Variants in NRCAM observed in about 807,000 individuals in gnomAD.
The protein encoded by NRCAM is neuronal cell adhesion molecule, also known as NgCAM-related cell adhesion molecule.
Under a neutral mutation model 156.5 loss-of-function variants are expected in NRCAM, and 83 were observed. The ratio of observed to expected loss-of-function variants is 0.53; its 90% CI spans 0.44 to 0.64. The LOEUF is 0.64. Among genes scored for constraint, NRCAM ranks in the 30% least tolerant of loss-of-function variants. The pLI, the probability that NRCAM is intolerant of heterozygous loss-of-function variation, is 0.00. For synonymous variants in NRCAM, 538 were observed against 563.9 expected, an observed-to-expected ratio of 0.95 and a Z score of 0.65; for missense variants, 1,417 against 1,597.3, an observed-to-expected ratio of 0.89 and a Z score of 1.92.
At chr7:108,325,448 T>C (rs1423407113) in intron 2 of NRCAM, among the ~76,000 whole-genome samples, 1 of 151,966 alleles carries the variant, frequency 6.6e-6, no homozygotes, top group Non-Finnish European at 1.5e-5. Context: ...TTTTTTTTTT[T>C]CCTGGATCTT....
At chr7:108,194,565 G>GTA (rs2073886590) in intron 15 of NRCAM, 137 bp from the exon 16 acceptor site, 2 of 588,780 alleles carry the variant, frequency 3.4e-6, no homozygotes, top group Non-Finnish European at 5.7e-6. Context: ...ACTTTTGAAA[G>GTA]TATCAATAGG....
rs776703681 is a variant in NRCAM at position 108,240,011 on chromosome 7, G to C, written c.54C>G (p.Pro18=). 6.2e-7 allele frequency: 1 copy of C among 1,613,346 alleles called. No individual in the cohort carries two copies. ...TCATCTGGCACAGGAAGAGAATCAG[G>C]GGCACTCTGCCCGCAGATAAGCGCT... is the stretch of plus-strand genomic sequence containing the variant. ...KKKRLSAGRV[P]LILFLCQMIS... is the part of the protein sequence containing the mutation. Residue 18 remains proline, a synonymous_variant, in exon 4 of 33, where the codon CCC becomes CCG. Coordinates refer to ENST00000379028, the MANE Select transcript of NRCAM (RefSeq NM_001037132.4).
chr7:108,350,280 A>G (rs747992700), intron 2 of NRCAM, among the ~76,000 whole-genome samples: 1 of 152,220 alleles, frequency 6.6e-6, no homozygotes, highest in Non-Finnish European at 1.5e-5. Flanking sequence ...GGTGATAGAC[A>G]TTATCAGTGT....
At chr7:108,402,223 C>T (rs2099794730) in intron 1 of NRCAM, among the ~76,000 whole-genome samples, 1 of 152,202 alleles carries the variant, frequency 6.6e-6, no homozygotes, top group South Asian at 2.1e-4. Context: ...CTTCAATCCT[C>T]TTAAGAGAAG....
chr7:108,294,263 C>T (rs1024128396), intron 3 of NRCAM, among the ~76,000 whole-genome samples: 11 of 127,932 alleles, frequency 8.6e-5, no homozygotes, highest in Non-Finnish European at 1.6e-5. Context: ...CACAGTCAAA[C>T]TCAAGTGTCA....
At chr7:108,250,407 C>A (rs1376731429) in intron 3 of NRCAM, among the ~76,000 whole-genome samples, 2 of 109,188 alleles carry the variant, frequency 1.8e-5, no homozygotes, top group African/African-American at 3.6e-5. Context: ...GTCTGGGCAA[C>A]AGAGCCACAT....
chr7:108,168,556 C>T (rs1406558764), intron 28 of NRCAM, among the ~76,000 whole-genome samples, 154 bp from the exon 29 acceptor site: 1 of 152,170 alleles, frequency 6.6e-6, no homozygotes, highest in Non-Finnish European at 1.5e-5. Context: ...GCTTTCATTA[C>T]AGAAAGGTTT....
At chr7:108,273,678 C>G (rs1563056581) in intron 3 of NRCAM, among the ~76,000 whole-genome samples, 1 of 152,034 alleles carries the variant, frequency 6.6e-6, no homozygotes, top group Non-Finnish European at 1.5e-5. Context: ...AAAATTTTCT[C>G]CCGTTCTGTA....
At chr7:108,313,949 T>C (rs1431603695) in intron 2 of NRCAM, among the ~76,000 whole-genome samples, 6 of 152,106 alleles carry the variant, frequency 3.9e-5, no homozygotes, top group Non-Finnish European at 5.9e-5. Context: ...AAAAATAAAA[T>C]ATAAATACTT....
chr7:108,330,686 G>C (rs73726152), intron 2 of NRCAM, among the ~76,000 whole-genome samples: 1,543 of 152,224 alleles, frequency 0.01, 26 homozygotes, highest in African/African-American at 0.034. Flanking sequence ...ATGCAGAAGG[G>C]GGCCCTTTGA....
Position 108,231,154 on chromosome 7 carries a change from C to T in NRCAM, c.428-1G>A, listed in dbSNP as rs1355425773. ...TTTTCTTTGGTCCACAATGGTGATC[C>T]TATTAAATAAAAAAATAACTTCTCA... On this transcript the variant is annotated splice_acceptor_variant, in intron 7 of 32. Transcript: ENST00000379028. LOFTEE classifies it high-confidence loss of function. 1 of 1,567,456 alleles carries T rather than the reference C, an allele frequency of 6.4e-7. No individual in the cohort carries two copies. Among genetic ancestry groups the T allele is most frequent in the Non-Finnish European group, 8.6e-7 (1 of 1,164,830 alleles).
At chr7:108,166,537 C>T (rs1382012031) in intron 30 of NRCAM, among the ~76,000 whole-genome samples, 2 of 152,008 alleles carry the variant, frequency 1.3e-5, no homozygotes, top group Non-Finnish European at 2.9e-5. Flanking sequence ...CGTGAGCTAC[C>T]GCGCCCGGCC....
chr7:108,368,188 T>G (rs1284532375), intron 2 of NRCAM, among the ~76,000 whole-genome samples: 1 of 151,002 alleles, frequency 6.6e-6, no homozygotes, highest in Non-Finnish European at 1.5e-5. Flanking sequence ...CGGCTCTTCC[T>G]GCAGGAGCCT....
chr7:108,455,641 G>A (rs1430929708), intron 1 of NRCAM, among the ~76,000 whole-genome samples: 1 of 152,204 alleles, frequency 6.6e-6, no homozygotes, highest in Non-Finnish European at 1.5e-5. Context: ...AGCGACTGGA[G>A]AAGCGAAGTC....
At chr7:108,334,795 A>T (rs1307465857) in intron 2 of NRCAM, among the ~76,000 whole-genome samples, 3 of 152,240 alleles carry the variant, frequency 2.0e-5, no homozygotes, top group African/African-American at 7.2e-5. Context: ...CAGATGATTT[A>T]CAAATAGAAA....
chr7:108,150,996 T>C (rs547149327), intron 32 of NRCAM, among the ~76,000 whole-genome samples: 25 of 152,274 alleles, frequency 1.6e-4, no homozygotes, highest in African/African-American at 5.8e-4. Flanking sequence ...TTCTTCCTTG[T>C]GTGTTATGCA....
At chr7:108,176,750 A>G (rs990138110) in intron 26 of NRCAM, 144 bp from the exon 27 acceptor site, 6 of 625,380 alleles carry the variant, frequency 9.6e-6, no homozygotes, top group African/African-American at 1.8e-5. Flanking sequence ...AGCATAACTA[A>G]GTGATAACCT....
At chr7:108,164,354 T>A (rs981482014) in intron 30 of NRCAM, among the ~76,000 whole-genome samples, 1 of 151,980 alleles carries the variant, frequency 6.6e-6, no homozygotes, top group African/African-American at 2.4e-5. Context: ...ACCTTAGAAA[T>A]CCAGGGTATA....
At chr7:108,425,615 A>G (rs1187412252) in intron 1 of NRCAM, among the ~76,000 whole-genome samples, 1 of 152,226 alleles carries the variant, frequency 6.6e-6, no homozygotes, top group Non-Finnish European at 1.5e-5. Flanking sequence ...GTTCTTACAT[A>G]TATTTAAACA....
Sources: allele counts gnomAD v4.1 joint callset (sites outside exome capture counted in the v4.1 genomes callset), GRCh38; gene constraint gnomAD v4.1.1; transcripts MANE v1.5; gene names NCBI Gene and HGNC (gene_info 2026-07-23, HGNC 2026-07-21).